CLEC2A: variants seen among roughly 807,000 people sequenced by gnomAD.
CLEC2A encodes C-type lectin domain family 2 member A.
Under a neutral mutation model 18.6 loss-of-function variants are expected in CLEC2A, and 19 were observed. That is an observed-to-expected ratio of 1.02 (90% CI 0.71 to 1.50). The LOEUF (loss-of-function observed/expected upper bound fraction) is 1.50, where lower values mean the gene tolerates loss of function less well. Ranked by LOEUF, CLEC2A falls within the 40% of genes most tolerant of loss-of-function variation. The pLI is 0.00. For missense variants in CLEC2A, 190 were observed against 207.9 expected (o/e 0.91, Z 0.53); for synonymous variants, 74 against 64.0 (o/e 1.16, Z -0.75).
At chr12:9,908,808 C>T (rs368190707), downstream of CLEC2A, among the ~76,000 whole-genome samples, 22 of 152,226 alleles carry the variant, frequency 1.4e-4, no homozygotes, top group East Asian at 3.5e-3. Context: ...AATGAGGTCC[C>T]GGATCCTTTA....
chr12:9,882,034 A>C, the CLEC2A span, among the ~76,000 whole-genome samples: 1 of 151,954 alleles, frequency 6.6e-6, no homozygotes, highest in South Asian at 2.1e-4. Flanking sequence ...ATGCTTATAC[A>C]TATATAATAT....
At chr12:9,919,235 C>A (rs544916191) in intron 3 of CLEC2A, among the ~76,000 whole-genome samples, 2 of 152,286 alleles carry the variant, frequency 1.3e-5, no homozygotes, top group South Asian at 2.1e-4. Flanking sequence ...ATGGAAGAGA[C>A]CTTAGTAGTG....
At chr12:9,903,772 A>G (rs1862868238) in intron 4 of CLEC2A, among the ~76,000 whole-genome samples, 1 of 152,200 alleles carries the variant, frequency 6.6e-6, no homozygotes. Context: ...GTTAACCACC[A>G]GAATAGTAGG....
At chr12:9,897,212 T>C (rs936374286), downstream of CLEC2A, among the ~76,000 whole-genome samples, 6 of 152,144 alleles carry the variant, frequency 3.9e-5, no homozygotes, top group Non-Finnish European at 1.5e-5. Flanking sequence ...AGGTACTATG[T>C]TGTAGAAGAG....
downstream of CLEC2A, chr12:9,895,912 T>C (rs1862751261): frequency 7.4e-7 from 1 of 1,359,366 alleles, no homozygotes; most frequent in South Asian, 1.6e-5. Flanking sequence ...TAGATAAAGT[T>C]TCTAACAGAA....
chr12:9,905,272 G>C (rs113837501), intron 4 of CLEC2A, among the ~76,000 whole-genome samples: 227 of 152,222 alleles, frequency 1.5e-3, no homozygotes, highest in African/African-American at 5.3e-3. Flanking sequence ...TCTATAATCA[G>C]GAGCACTAGG....
Position 9,922,180 on chromosome 12 carries a change from T to G in CLEC2A, c.192A>C (p.Gly64=). ...KPVACSGDWL[G]VRDKCFYFSD... ...AAAAATAGAAACACTTATCTCTCAC[T>G]CCAAGCCAGTCCCCTGAACATGCCA... is the stretch of plus-strand genomic sequence containing the variant. Residue 64 remains glycine, a synonymous_variant, in exon 3 of 5, where the codon GGA becomes GGC. Transcript: ENST00000455827. 1 of 1,550,772 alleles carries G rather than the reference T, an allele frequency of 6.4e-7. No homozygotes were observed. Among genetic ancestry groups the G allele is most frequent in the South Asian group, 1.2e-5 (1 of 83,880 alleles).
At chr12:9,904,536 G>C (rs999440122) in intron 4 of CLEC2A, among the ~76,000 whole-genome samples, 16 of 152,308 alleles carry the variant, frequency 1.1e-4, no homozygotes, top group African/African-American at 2.6e-4. Context: ...TTCTAGAGAT[G>C]GGAGGAGAGC....
At chr12:9,926,947 T>C (rs1863282206) in intron 1 of CLEC2A, among the ~76,000 whole-genome samples, 1 of 152,058 alleles carries the variant, frequency 6.6e-6, no homozygotes, top group South Asian at 2.1e-4. Context: ...TAAGAACAAA[T>C]AATAATTCTA....
At chr12:9,882,959 C>T in the CLEC2A span, among the ~76,000 whole-genome samples, 2 of 152,136 alleles carry the variant, frequency 1.3e-5, no homozygotes, top group South Asian at 2.1e-4. Context: ...CTATAAACTA[C>T]TTTTTAATAT....
chr12:9,894,066 T>G (rs1862722497), downstream of CLEC2A, among the ~76,000 whole-genome samples: 1 of 151,964 alleles, frequency 6.6e-6, no homozygotes, highest in Non-Finnish European at 1.5e-5. Context: ...CTTTCTCTTT[T>G]TTCTTTCTCT....
chr12:9,927,351 G>C (rs1031611439), intron 1 of CLEC2A, among the ~76,000 whole-genome samples: 1 of 152,150 alleles, frequency 6.6e-6, no homozygotes, highest in African/African-American at 2.4e-5. Context: ...TTACAAGGCA[G>C]CTTCATTGTA....
intron 4 of CLEC2A, among the ~76,000 whole-genome samples, chr12:9,913,885 T>C (rs1863027128): frequency 6.6e-6 from 1 of 152,212 alleles, no homozygotes; most frequent in Non-Finnish European, 1.5e-5. Flanking sequence ...TTAAAATCTG[T>C]AACCCTATTT....
downstream of CLEC2A, among the ~76,000 whole-genome samples, chr12:9,898,319 AC>A (rs1322692280): frequency 6.6e-6 from 1 of 152,198 alleles, no homozygotes; most frequent in Non-Finnish European, 1.5e-5. Flanking sequence ...CGGGAAACTG[AC>A]CCTCAAGTGA....
At chr12:9,896,612 C>T (rs1043517767), downstream of CLEC2A, among the ~76,000 whole-genome samples, 1 of 152,026 alleles carries the variant, frequency 6.6e-6, no homozygotes, top group African/African-American at 2.4e-5. Context: ...AATGAAAAAA[C>T]TACAATAACT....
downstream of CLEC2A, among the ~76,000 whole-genome samples, chr12:9,910,590 C>A (rs1862969761): frequency 6.6e-6 from 1 of 152,210 alleles, no homozygotes; most frequent in Admixed American, 6.5e-5. Flanking sequence ...TTTGTACTCA[C>A]TCAGCACAGT....
rs112937174 is a variant in CLEC2A, at chr12:9,921,389, C to T, written c.306+677G>A. On this transcript the variant is annotated intron_variant, in intron 3 of 4. Transcript: ENST00000455827. ...GAATTGCTTGATCTCAGTTTGAGAC[C>T]AGCCTGGACAACATAGTGAGACCTC... Among the ~76,000 whole-genome samples the T allele has an allele frequency of 3.9e-3, 593 of 152,164 alleles. 6 individuals are homozygous for T. Among genetic ancestry groups the T allele is most frequent in the African/African-American group, 0.013 (554 of 41,500 alleles).
chr12:9,918,836 CT>C (rs1237608389), intron 3 of CLEC2A, among the ~76,000 whole-genome samples: 2 of 152,224 alleles, frequency 1.3e-5, no homozygotes, highest in African/African-American at 2.4e-5. Flanking sequence ...GTCAATTTAA[CT>C]GCAGTGTATA....
chr12:9,926,305 A>G lies in CLEC2A; in HGVS notation c.94T>C (p.Cys32Arg). Residue 32 changes from cysteine to arginine, a missense_variant, in exon 2 of 5, where the codon TGC becomes CGC. Coordinates refer to ENST00000455827, the MANE Select transcript of CLEC2A (RefSeq NM_001130711.2). ...GTAGTAATAATAATACTCAGGAAGC[A>G]CATAAGGCCAATCTTCCAGTTTTGT... ...LIQNWKIGLM[C>R]FLSIIITTVC... 2 of 1,550,048 alleles carry G rather than the reference A, an allele frequency of 1.3e-6. No individual in the cohort carries two copies. The highest frequency in any genetic ancestry group is 1.2e-5 in the South Asian group (1 of 84,034).
Sources: gnomAD v4.1 joint callset for allele counts (sites outside exome capture counted in the v4.1 genomes callset) on GRCh38, gnomAD v4.1.1 for gene constraint, MANE v1.5 for transcripts, NCBI Gene and HGNC (gene_info 2026-07-23, HGNC 2026-07-21) for gene names.